The following CORIN variants were observed in gnomAD, a reference collection of about 807,000 sequenced individuals.
CORIN encodes the protein atrial natriuretic peptide-converting enzyme.
In CORIN, 117 loss-of-function variants were observed where a neutral mutation model predicts 125.3. The ratio of observed to expected loss-of-function variants is 0.93; its 90% CI spans 0.80 to 1.09. CORIN has a LOEUF of 1.09. Among genes scored for constraint, CORIN ranks in the 50% least tolerant of loss-of-function variants. The pLI is 0.00. For synonymous variants in CORIN, 450 were observed against 466.4 expected (o/e 0.96, Z 0.45); for missense variants, 1,253 against 1,306.7 (o/e 0.96, Z 0.63).
chr4:47,661,850 C>G lies in CORIN; in HGVS notation c.1596G>C (p.Leu532Phe). 3.1e-6 allele frequency: 5 copies of G among 1,603,956 alleles called. No individual in the cohort carries two copies. Among genetic ancestry groups the G allele is most frequent in the Non-Finnish European group, 4.3e-6 (5 of 1,173,616 alleles). The change falls in exon 12 of 22, where the codon TTG (leucine) becomes TTC (phenylalanine). Residue 532 changes from leucine (L) to phenylalanine (F), a missense_variant. Leu to Phe is a conservative substitution (Grantham distance 22). Transcript: ENST00000273857. Reference sequence around the variant, plus strand: ...CACAGCGTTCTTTAGAGTGTTCACACAATGCCCTAGATGAACAAGAAAGAC... The same window carrying G: ...CACAGCGTTCTTTAGAGTGTTCACAGAATGCCCTAGATGAACAAGAAAGAC... ...TGEHIPPCRALCEHSKERCES... is the reference protein window; with the variant it reads ...TGEHIPPCRAFCEHSKERCES...
At chr4:47,782,999 C>A (rs6850142) in intron 3 of CORIN, among the ~76,000 whole-genome samples, 125,738 of 151,866 alleles carry the variant, frequency 0.83, 52,270 homozygotes, top group East Asian at 0.98. Context: ...ATTCAGGATC[C>A]GGTTATCAAA....
chr4:47,781,852 C>T (rs992993807), intron 3 of CORIN, among the ~76,000 whole-genome samples: 5 of 151,744 alleles, frequency 3.3e-5, no homozygotes, highest in Admixed American at 6.6e-5. Context: ...GCAGGAGAAT[C>T]GCGTGAACCT....
intron 19 of CORIN, among the ~76,000 whole-genome samples, chr4:47,613,321 C>CA (rs1489945252): frequency 6.6e-6 from 1 of 152,230 alleles, no homozygotes; most frequent in East Asian, 1.9e-4. Context: ...AGTGTGGTGG[C>CA]ACGTGCCTGT....
chr4:47,761,480 T>TACACACACAC (rs142904418), intron 4 of CORIN, among the ~76,000 whole-genome samples: 52 of 144,486 alleles, frequency 3.6e-4, no homozygotes, highest in African/African-American at 1.2e-3. Flanking sequence ...GAAAATGTGA[T>TACACACACAC]ACACACACAC....
At chr4:47,626,971 G>GGTTGTT (rs111543039) in intron 16 of CORIN, among the ~76,000 whole-genome samples, 8 of 151,194 alleles carry the variant, frequency 5.3e-5, no homozygotes, top group African/African-American at 1.5e-4. Flanking sequence ...TATGTTTGTA[G>GGTTGTT]GTTGTTGTTG....
intron 10 of CORIN, among the ~76,000 whole-genome samples, chr4:47,666,427 T>G (rs1456525423): frequency 6.6e-6 from 1 of 152,170 alleles, no homozygotes; most frequent in Non-Finnish European, 1.5e-5. Context: ...ATGAGAAATA[T>G]TGTCTCTGCC....
chr4:47,773,756 C>G (rs1346701306), intron 3 of CORIN, among the ~76,000 whole-genome samples: 1 of 151,412 alleles, frequency 6.6e-6, no homozygotes, highest in Non-Finnish European at 1.5e-5. Context: ...ATAAATATAC[C>G]TTTTATATTC....
chr4:47,764,253 T>C (rs1256658285), intron 3 of CORIN, among the ~76,000 whole-genome samples: 1 of 152,226 alleles, frequency 6.6e-6, no homozygotes, highest in East Asian at 1.9e-4. Flanking sequence ...TATGCAAAGA[T>C]TTGTAATCCC....
intron 4 of CORIN, among the ~76,000 whole-genome samples, chr4:47,748,706 C>A (rs544302431): frequency 6.6e-6 from 1 of 152,184 alleles, no homozygotes; most frequent in East Asian, 1.9e-4. Flanking sequence ...CTGCAAAAAA[C>A]AAGTTCTGAT....
chr4:47,833,456 CA>C (rs1178723909), intron 1 of CORIN, among the ~76,000 whole-genome samples: 1 of 128,788 alleles, frequency 7.8e-6, no homozygotes, highest in Non-Finnish European at 1.6e-5. Flanking sequence ...TGAAAGAAAA[CA>C]TAAAGGAAAA....
chr4:47,758,123 C>T (rs1187657516), intron 4 of CORIN, among the ~76,000 whole-genome samples: 1 of 151,718 alleles, frequency 6.6e-6, no homozygotes, highest in Non-Finnish European at 1.5e-5. Flanking sequence ...ACCATGTTAG[C>T]CAGAATGGTC....
At position 47,762,432 on chromosome 4, in the gene CORIN, C is replaced by T. The variant is rs151059328; in HGVS notation, c.617+947G>A. Reference sequence around the variant, plus strand: ...GTTATATGTGAATAAGTAATACATGCTTTGAAATTTTTTTAAGTGTATACT... The same window carrying T: ...GTTATATGTGAATAAGTAATACATGTTTTGAAATTTTTTTAAGTGTATACT... On this transcript the variant is annotated intron_variant, in intron 4 of 21. Transcript: ENST00000273857. Among the ~76,000 whole-genome samples the T allele has an allele frequency of 2.0e-3, 306 of 152,254 alleles. 1 individual carries two copies. Among genetic ancestry groups the T allele is most frequent in the African/African-American group, 7.0e-3 (291 of 41,558 alleles).
intron 2 of CORIN, among the ~76,000 whole-genome samples, chr4:47,794,084 A>T (rs1348453906): frequency 6.6e-6 from 1 of 152,194 alleles, no homozygotes; most frequent in Non-Finnish European, 1.5e-5. Flanking sequence ...TTATTCAAAG[A>T]ATTTGAAGTC....
At chr4:47,715,329 G>A (rs923202315) in intron 5 of CORIN, among the ~76,000 whole-genome samples, 1 of 152,212 alleles carries the variant, frequency 6.6e-6, no homozygotes, top group African/African-American at 2.4e-5. Flanking sequence ...GTTGGGGCCA[G>A]GCCCAGTGGC....
chr4:47,696,294 A>G (rs1232935776), intron 5 of CORIN, among the ~76,000 whole-genome samples: 2 of 152,184 alleles, frequency 1.3e-5, no homozygotes, highest in African/African-American at 2.4e-5. Flanking sequence ...ATGCTATACA[A>G]TCTTGAAACT....
chr4:47,744,281 A>G, intron 5 of CORIN, 121 bp downstream of exon 5: 1 of 932,758 alleles, frequency 1.1e-6, no homozygotes, highest in South Asian at 1.7e-5. Flanking sequence ...TTCTGGTTAC[A>G]TGGATCTTGT....
chr4:47,826,434 GTCAAGGTGTTA>G (rs1732747421), intron 1 of CORIN, among the ~76,000 whole-genome samples: 1 of 152,246 alleles, frequency 6.6e-6, no homozygotes, highest in African/African-American at 2.4e-5. Context: ...CTGGACTAAA[GTCAAGGTGTTA>G]TCAAGGCTGC....
In CORIN at chr4:47,614,442, AC is replaced by A. The variant is rs535493759; in HGVS notation, c.2540+9128del. 4.5e-3 allele frequency among the ~76,000 whole-genome samples: 684 copies of A among 152,200 alleles called. 4 individuals carry two copies. Among genetic ancestry groups the A allele is most frequent in the Non-Finnish European group, 7.4e-3 (501 of 68,006 alleles). On this transcript the variant is annotated intron_variant, in intron 19 of 21. Coordinates refer to ENST00000273857, the MANE Select transcript of CORIN (RefSeq NM_006587.4). The stretch of plus-strand genomic sequence containing the variant: ...TCGAACTCCTGACCTCAGGTGATCC[AC>A]CCACCTCAGCCTCCCAAAGTGCTGG...
intron 6 of CORIN, among the ~76,000 whole-genome samples, chr4:47,691,782 C>T (rs1184324220): frequency 6.6e-6 from 1 of 151,714 alleles, no homozygotes; most frequent in Non-Finnish European, 1.5e-5. Context: ...ACATGAAACA[C>T]CAGTTTGGGA....
Sources: allele counts gnomAD v4.1 joint callset (sites outside exome capture counted in the v4.1 genomes callset), GRCh38; gene constraint gnomAD v4.1.1; transcripts MANE v1.5; gene names NCBI Gene and HGNC (gene_info 2026-07-23, HGNC 2026-07-21).